The following TRERF1 variants were observed in gnomAD, a reference collection of about 807,000 sequenced individuals.
TRERF1 encodes the protein transcriptional-regulating factor 1.
Under a neutral mutation model 122.9 loss-of-function variants are expected in TRERF1, and 27 were observed. The ratio of observed to expected loss-of-function variants is 0.22; its 90% CI spans 0.16 to 0.30. The LOEUF is 0.30. Among genes scored for constraint, TRERF1 ranks in the 10% least tolerant of loss-of-function variants. TRERF1 has a pLI of 1.00. For missense variants in TRERF1, 1,248 were observed against 1,560.3 expected (o/e 0.80, Z 3.37); for synonymous variants, 636 against 641.7 (o/e 0.99, Z 0.13).
intron 2 of TRERF1, among the ~76,000 whole-genome samples, chr6:42,407,207 C>T (rs577828160): frequency 6.6e-6 from 1 of 152,206 alleles, no homozygotes; most frequent in Non-Finnish European, 1.5e-5. Flanking sequence ...GTCTGCTCAA[C>T]AAAATGCTCT....
chr6:42,288,731 T>G (rs951804250), intron 4 of TRERF1, among the ~76,000 whole-genome samples: 1 of 151,846 alleles, frequency 6.6e-6, no homozygotes, highest in Admixed American at 6.6e-5. Flanking sequence ...GTATTCCAGA[T>G]AGCGTCAAGG....
intron 4 of TRERF1, among the ~76,000 whole-genome samples, chr6:42,274,351 C>T (rs1053941420): frequency 1.5e-4 from 23 of 152,066 alleles, no homozygotes; most frequent in Non-Finnish European, 2.6e-4. Context: ...TAGAACAGTG[C>T]CTCGCTAATG....
At chr6:42,250,240 C>T (rs1457280367) in intron 13 of TRERF1, among the ~76,000 whole-genome samples, 1 of 152,200 alleles carries the variant, frequency 6.6e-6, no homozygotes, top group Non-Finnish European at 1.5e-5. Context: ...GATTCCAAAT[C>T]AGCCCAGGGC....
intron 2 of TRERF1, among the ~76,000 whole-genome samples, chr6:42,416,685 C>T (rs1039248339): frequency 3.9e-5 from 6 of 152,116 alleles, no homozygotes; most frequent in Admixed American, 3.9e-4. Context: ...GTTACACTAG[C>T]TTCATAAAAA....
At chr6:42,338,604 C>A (rs551698700) in intron 3 of TRERF1, among the ~76,000 whole-genome samples, 2 of 152,280 alleles carry the variant, frequency 1.3e-5, no homozygotes, top group Admixed American at 1.3e-4. Context: ...GAAACCAGAT[C>A]AAAGGTAGAC....
intron 15 of TRERF1, among the ~76,000 whole-genome samples, chr6:42,240,504 C>T (rs959699571): frequency 3.9e-5 from 6 of 152,242 alleles, no homozygotes; most frequent in Non-Finnish European, 8.8e-5. Context: ...GGCTAGGAAT[C>T]TTTGTGCTTC....
chr6:42,307,737 T>C (rs1582944564), intron 3 of TRERF1, among the ~76,000 whole-genome samples: 1 of 148,482 alleles, frequency 6.7e-6, no homozygotes, highest in African/African-American at 2.5e-5. Context: ...GCACACGAAG[T>C]AACAATTCCA....
chr6:42,272,338 G>A (rs564272635), intron 4 of TRERF1, among the ~76,000 whole-genome samples: 2 of 152,264 alleles, frequency 1.3e-5, no homozygotes, highest in Non-Finnish European at 2.9e-5. Context: ...GTGAAGGGTG[G>A]AGGAAGGCGA....
chr6:42,314,717 G>C, intron 3 of TRERF1, among the ~76,000 whole-genome samples: 1 of 152,182 alleles, frequency 6.6e-6, no homozygotes, highest in East Asian at 1.9e-4. Context: ...ATGCCTGAAG[G>C]AATAAGAACA....
intron 3 of TRERF1, among the ~76,000 whole-genome samples, chr6:42,359,393 G>A (rs568635330): frequency 2.6e-5 from 4 of 152,150 alleles, no homozygotes; most frequent in African/African-American, 7.2e-5. Flanking sequence ...AAAGGCAAGC[G>A]GGGGTCACTC....
rs1053723352 is a variant in TRERF1 at position 42,302,803 on chromosome 6, C to T, written c.-370-2054G>A. Among the ~76,000 whole-genome samples the T allele has an allele frequency of 2.6e-5, 4 of 152,194 alleles. No individual in the cohort carries two copies. The East Asian group carries it at 5.8e-4, about 22-fold the overall frequency. ...TGGGAAGCAGGAATGCACTTCATTC[C>T]GTTTCTGTGAATAAATTCACCATCC... On this transcript the variant is annotated intron_variant, in intron 3 of 17. Transcript: ENST00000372922.
exon 7 of TRERF1, chr6:42,264,813 T>C (rs977555428): frequency 1.4e-5 from 23 of 1,614,240 alleles, no homozygotes; most frequent in Non-Finnish European, 1.9e-5. Context: ...CAGCTTGTTC[T>C]TGGCATCAAA....
rs552623457 is a variant in TRERF1, at chr6:42,298,597, G to C, written c.-259+2041C>G. Among the ~76,000 whole-genome samples, 6 of 147,954 alleles carry C rather than the reference G, an allele frequency of 4.1e-5. No individual in the cohort carries two copies. The South Asian group carries it at 1.3e-3, about 32-fold the overall frequency. Reference sequence around the variant, plus strand: ...AAGTGGGTGGATCACTGGAGGTCAGGAGTTCGAGACCAGCCTGGCCAACAG... The same window carrying C: ...AAGTGGGTGGATCACTGGAGGTCAGCAGTTCGAGACCAGCCTGGCCAACAG... On this transcript the variant is annotated intron_variant, in intron 4 of 17. Transcript: ENST00000372922.
intron 2 of TRERF1, among the ~76,000 whole-genome samples, chr6:42,408,874 T>C (rs1029738989): frequency 2.6e-5 from 4 of 152,190 alleles, no homozygotes; most frequent in African/African-American, 9.7e-5. Context: ...TTATAACATA[T>C]GATGTGAGAT....
At chr6:42,422,490 C>G (rs376499125) in intron 2 of TRERF1, among the ~76,000 whole-genome samples, 1 of 136,404 alleles carries the variant, frequency 7.3e-6, no homozygotes. Flanking sequence ...GGCAACAGAG[C>G]CAGACCCTGT....
At chr6:42,378,641 A>G (rs948124509) in intron 2 of TRERF1, among the ~76,000 whole-genome samples, 2 of 152,176 alleles carry the variant, frequency 1.3e-5, no homozygotes, top group Non-Finnish European at 2.9e-5. Flanking sequence ...CCCGAAGCCC[A>G]TCTGCATGGA....
chr6:42,380,833 G>A (rs1242579220), intron 2 of TRERF1, among the ~76,000 whole-genome samples: 1 of 152,190 alleles, frequency 6.6e-6, no homozygotes, highest in East Asian at 1.9e-4. Flanking sequence ...GCCCACAGAG[G>A]GGCCACATCA....
intron 2 of TRERF1, among the ~76,000 whole-genome samples, chr6:42,417,507 C>A (rs1311269808): frequency 6.6e-6 from 1 of 152,148 alleles, no homozygotes; most frequent in African/African-American, 2.4e-5. Context: ...TAACAAAAAG[C>A]CCCCCAGGAA....
chr6:42,405,624 GT>G (rs1339055999), intron 2 of TRERF1, among the ~76,000 whole-genome samples: 1 of 151,784 alleles, frequency 6.6e-6, no homozygotes, highest in Non-Finnish European at 1.5e-5. Context: ...ATGAAACCTT[GT>G]CTCTCAAACA....
Sources: gnomAD v4.1 joint callset for allele counts (sites outside exome capture counted in the v4.1 genomes callset) on GRCh38, gnomAD v4.1.1 for gene constraint, MANE v1.5 for transcripts, NCBI Gene and HGNC (gene_info 2026-07-23, HGNC 2026-07-21) for gene names.